Variants in TRPC4 observed in about 807,000 individuals in gnomAD.
TRPC4 encodes the protein transient receptor potential cation channel subfamily C member 4, also known as short transient receptor potential channel 4.
A neutral mutation model predicts 99.4 loss-of-function variants in TRPC4; 49 were observed. The ratio of observed to expected loss-of-function variants is 0.49; its 90% CI spans 0.39 to 0.63. The LOEUF is 0.63. Ranked by LOEUF, TRPC4 falls within the 20% of genes least tolerant of loss-of-function variation. The pLI is 0.00. For synonymous variants in TRPC4, 454 were observed against 425.9 expected (o/e 1.07, Z -0.81); for missense variants, 898 against 1,152.9 (o/e 0.78, Z 3.20).
At chr13:37,642,680 C>T (rs539054687) in intron 8 of TRPC4, among the ~76,000 whole-genome samples, 2 of 151,904 alleles carry the variant, frequency 1.3e-5, no homozygotes, top group East Asian at 3.9e-4. Flanking sequence ...ACTCTTGGTG[C>T]CAGGCAGATT....
chr13:37,806,744 C>T (rs2139454526), intron 1 of TRPC4, among the ~76,000 whole-genome samples: 1 of 152,140 alleles, frequency 6.6e-6, no homozygotes, highest in Admixed American at 6.6e-5. Context: ...GAGAGGTCAA[C>T]AGGATAATTA....
intron 1 of TRPC4, among the ~76,000 whole-genome samples, chr13:37,866,903 G>A (rs1391028534): frequency 1.3e-5 from 2 of 149,738 alleles, no homozygotes; most frequent in Non-Finnish European, 3.0e-5. Flanking sequence ...TTTATTTTGA[G>A]CTGTCTCCTC....
Position 37,639,083 on chromosome 13 carries a change from C to T in TRPC4, c.2168G>A (p.Arg723Lys). The change falls in exon 10 of 11, where the codon AGA becomes AAA. Residue 723 changes from arginine to lysine, a missense_variant. Arg to Lys is a conservative substitution (Grantham distance 26). Around this residue, in one of 3 missense-constraint regions of TRPC4, gnomAD observed 346 missense variants for 351.4 expected, o/e 0.98. Coordinates refer to ENST00000379705, the MANE Select transcript of TRPC4 (RefSeq NM_016179.4). ...LVKRYVAAMI[R>K]DAKTEEGLTE... ...CAGGCCTTCTTCAGTTTTAGCATCT[C>T]TAATCATTGCAGCAACGTATCGCTT... 1.2e-6 allele frequency: 2 copies of T among 1,613,694 alleles called. No individual in the cohort carries two copies. The highest frequency in any genetic ancestry group is 1.3e-5 in the African/African-American group (1 of 75,020).
intron 3 of TRPC4, among the ~76,000 whole-genome samples, chr13:37,739,233 C>CATGA (rs1403599200): frequency 6.6e-6 from 1 of 152,056 alleles, no homozygotes; most frequent in African/African-American, 2.4e-5. Context: ...CATTGGAGGA[C>CATGA]ATGAATCTTT....
At chr13:37,768,626 C>T (rs984156713) in intron 2 of TRPC4, among the ~76,000 whole-genome samples, 4 of 150,664 alleles carry the variant, frequency 2.7e-5, no homozygotes, top group Non-Finnish European at 4.4e-5. Context: ...TAAGAGACTT[C>T]TTAACTTCTA....
intron 1 of TRPC4, among the ~76,000 whole-genome samples, chr13:37,844,149 A>G (rs1375462711): frequency 1.3e-5 from 2 of 152,232 alleles, no homozygotes; most frequent in African/African-American, 4.8e-5. Flanking sequence ...AGTTAGAAAC[A>G]AAGAACAGAG....
intron 2 of TRPC4, among the ~76,000 whole-genome samples, chr13:37,771,767 T>G (rs1324747851): frequency 6.6e-6 from 1 of 151,752 alleles, no homozygotes; most frequent in African/African-American, 2.4e-5. Context: ...GGAAATCTGT[T>G]GGGTATATGT....
intron 3 of TRPC4, among the ~76,000 whole-genome samples, chr13:37,717,997 C>T (rs1193526019): frequency 1.3e-5 from 2 of 152,026 alleles, no homozygotes; most frequent in Middle Eastern, 3.2e-3. Flanking sequence ...TAGCTAGTAG[C>T]CTGAGGGCAG....
chr13:37,672,601 A>C (rs1952889917), intron 5 of TRPC4, among the ~76,000 whole-genome samples: 1 of 152,206 alleles, frequency 6.6e-6, no homozygotes, highest in South Asian at 2.1e-4. Flanking sequence ...GACAGCACAA[A>C]ACCACAAAAA....
rs979586314 is a variant in TRPC4 at position 37,750,150 on chromosome 13, T to TC, written c.379-3696_379-3695insG. Among the ~76,000 whole-genome samples the TC allele has an allele frequency of 5.1e-3, 6 of 1,186 alleles. No individual in the cohort carries two copies. In the Non-Finnish European group the frequency reaches 0.083, roughly 16 times the overall value. 0.8% of individuals were successfully genotyped at this position (1,186 alleles called of 152,430 possible). A position where few individuals can be genotyped will look rare whatever the true frequency, so the allele number is the denominator to read the frequency against. On this transcript the variant is annotated intron_variant, in intron 2 of 10. Transcript: ENST00000379705. ...ACTTTAGCTCTTTGAAATATATTCCTTTGTTAGTAGCAAAAACTGTTGCTT... is the reference window on the plus strand; with the variant it reads ...ACTTTAGCTCTTTGAAATATATTCCTCTTGTTAGTAGCAAAAACTGTTGCTT...
In TRPC4 at chr13:37,637,202, G is replaced by A. The variant is rs114600063; in HGVS notation, c.2635C>T (p.Pro879Ser). Reference sequence around the variant, plus strand: ...TCCAGTTGAATATTTCTCTCAAGTGGTCCTGCAGCCTGTTGACGAGCAACT... The same window carrying A: ...TCCAGTTGAATATTTCTCTCAAGTGATCCTGCAGCCTGTTGACGAGCAACT... ...EEVARQQAAGPLERNIQLESR... is the reference protein window; with the variant it reads ...EEVARQQAAGSLERNIQLESR... The change falls in exon 11 of 11, where the codon CCA becomes TCA. Residue 879 changes from proline to serine, a missense_variant. This residue lies in a region of TRPC4 where 346 missense variants were observed against 351.4 expected (regional missense o/e 0.98). Transcript: ENST00000379705. 6.4e-5 allele frequency: 104 copies of A among 1,613,854 alleles called. No homozygotes were observed. In the East Asian group the frequency reaches 2.3e-3, roughly 35 times the overall value.
At chr13:37,804,228 G>A (rs552429477) in intron 1 of TRPC4, among the ~76,000 whole-genome samples, 1 of 152,220 alleles carries the variant, frequency 6.6e-6, no homozygotes, top group East Asian at 1.9e-4. Context: ...ACACTGCCAT[G>A]TTCTTCGTCT....
chr13:37,833,623 C>T lies in TRPC4; in HGVS notation c.-28+35972G>A, dbSNP rs186009350. On this transcript the variant is annotated intron_variant, in intron 1 of 10. Transcript: ENST00000379705. Reference sequence around the variant, plus strand: ...GAACATCAGCTGCCACCTGCAGATGCACCTGCAAACCTAATTTTATGGTAA... The same window carrying T: ...GAACATCAGCTGCCACCTGCAGATGTACCTGCAAACCTAATTTTATGGTAA... Among the ~76,000 whole-genome samples the T allele has an allele frequency of 7.9e-5, 12 of 152,266 alleles. No homozygotes were observed. The East Asian group carries it at 2.3e-3, about 29-fold the overall frequency.
intron 1 of TRPC4, among the ~76,000 whole-genome samples, chr13:37,784,066 A>G (rs149035877): frequency 1.9e-4 from 29 of 152,218 alleles, no homozygotes; most frequent in African/African-American, 7.0e-4. Flanking sequence ...AACAACATTA[A>G]TGTCAATAAA....
At chr13:37,743,252 G>A (rs1391705316) in intron 3 of TRPC4, among the ~76,000 whole-genome samples, 2 of 151,988 alleles carry the variant, frequency 1.3e-5, no homozygotes, top group Admixed American at 6.6e-5. Flanking sequence ...CATGCTATAT[G>A]TTTTTTGTTA....
intron 1 of TRPC4, among the ~76,000 whole-genome samples, chr13:37,854,036 T>G (rs1424109043): frequency 6.6e-6 from 1 of 152,072 alleles, no homozygotes. Context: ...ATCCAAGAAT[T>G]TCCCAATCCT....
intron 1 of TRPC4, among the ~76,000 whole-genome samples, chr13:37,791,454 C>T (rs1399822269): frequency 5.4e-5 from 8 of 147,786 alleles, no homozygotes; most frequent in Non-Finnish European, 1.2e-4. Context: ...TTTAAATAGT[C>T]AAGAGATTTT....
chr13:37,721,627 T>C (rs1954871956), intron 3 of TRPC4, among the ~76,000 whole-genome samples: 1 of 152,180 alleles, frequency 6.6e-6, no homozygotes, highest in East Asian at 1.9e-4. Context: ...TGAAACTAAA[T>C]GTTCGAAGAT....
chr13:37,841,764 AC>A (rs1170140628), intron 1 of TRPC4, among the ~76,000 whole-genome samples: 1 of 152,144 alleles, frequency 6.6e-6, no homozygotes, highest in East Asian at 1.9e-4. Context: ...AGGTGAACAG[AC>A]TAAATCATTC....
Sources: allele counts gnomAD v4.1 joint callset (sites outside exome capture counted in the v4.1 genomes callset), GRCh38; gene constraint gnomAD v4.1.1; regional missense constraint gnomAD v4.1.1; transcripts MANE v1.5; gene names NCBI Gene and HGNC (gene_info 2026-07-23, HGNC 2026-07-21).